Variants in CSGALNACT1 observed in about 807,000 individuals in gnomAD.
CSGALNACT1 encodes the protein chondroitin sulfate N-acetylgalactosaminyltransferase 1.
A neutral mutation model predicts 51.0 loss-of-function variants in CSGALNACT1; 52 were observed. That is an observed-to-expected ratio of 1.02 (90% confidence interval 0.82 to 1.29). The LOEUF is 1.29. Ranked by LOEUF, CSGALNACT1 falls within the 50% of genes most tolerant of loss-of-function variation. The pLI is 0.00. For synonymous variants in CSGALNACT1, 341 were observed against 254.4 expected (o/e 1.34, Z -3.24); for missense variants, 935 against 679.2 (o/e 1.38, Z -4.19).
At chr8:19,520,789 C>T (rs1001772769) in intron 3 of CSGALNACT1, among the ~76,000 whole-genome samples, 1 of 152,184 alleles carries the variant, frequency 6.6e-6, no homozygotes, top group Non-Finnish European at 1.5e-5. Flanking sequence ...TCTGATACCT[C>T]CTATGAGGTA....
intron 1 of CSGALNACT1, among the ~76,000 whole-genome samples, chr8:19,616,276 T>A (rs7828554): frequency 0.023 from 3,536 of 152,206 alleles, 142 homozygotes; most frequent in African/African-American, 0.08. Context: ...TATTTTTAAA[T>A]AAGAGAAAGC....
At chr8:19,529,562 C>T (rs915440565) in intron 3 of CSGALNACT1, among the ~76,000 whole-genome samples, 1 of 152,134 alleles carries the variant, frequency 6.6e-6, no homozygotes, top group Admixed American at 6.5e-5. Context: ...TAATAAATAT[C>T]AGGAATAGTT....
intron 1 of CSGALNACT1, among the ~76,000 whole-genome samples, chr8:19,654,385 G>A (rs541618562): frequency 1.3e-5 from 2 of 152,270 alleles, no homozygotes; most frequent in South Asian, 2.1e-4. Flanking sequence ...GTCTGAATGT[G>A]TGTGACGCAC....
rs564400645 is a variant in CSGALNACT1, at chr8:19,447,994, A to G, written c.852-8063T>C. On this transcript the variant is annotated intron_variant, in intron 5 of 9. Coordinates refer to ENST00000454498, the Ensembl canonical transcript of CSGALNACT1. ...ACGGTAGCAGCAGCAGCCTCATGCC[A>G]TTAGGGAGTGATAGCCCCTCTGGCT... Among the ~76,000 whole-genome samples, 5 of 152,362 alleles carry G rather than the reference A, an allele frequency of 3.3e-5. No homozygotes were observed. The East Asian group carries it at 7.7e-4, about 23-fold the overall frequency.
intron 1 of CSGALNACT1, among the ~76,000 whole-genome samples, chr8:19,675,640 G>T (rs938254070): frequency 6.6e-6 from 1 of 152,056 alleles, no homozygotes; most frequent in Non-Finnish European, 1.5e-5. Flanking sequence ...TTACAGGCAC[G>T]TGCCACCACA....
chr8:19,625,571 G>C (rs2054342413), intron 1 of CSGALNACT1, among the ~76,000 whole-genome samples: 1 of 152,130 alleles, frequency 6.6e-6, no homozygotes, highest in African/African-American at 2.4e-5. Context: ...CTTGCTTACT[G>C]AATTAGAATA....
At position 19,458,490 on chromosome 8, in the gene CSGALNACT1, T is replaced by A. The variant is rs780751251; in HGVS notation, c.787A>T (p.Ile263Phe). Residue 263 changes from isoleucine (I) to phenylalanine (F), a missense_variant, in exon 5 of 10, where the codon ATC becomes TTC. Ile to Phe is a conservative substitution (Grantham distance 21). Coordinates refer to ENST00000454498, the Ensembl canonical transcript of CSGALNACT1. ...TTTGCTAGAGGCACGATAACATTGA[T>A]AAGCGTGTTGGCCATGTTGAGCTTT... is the stretch of plus-strand genomic sequence containing the variant. 1.2e-6 allele frequency: 2 copies of A among 1,614,100 alleles called. No homozygotes were observed. The highest frequency in any genetic ancestry group is 3.3e-5 in the Admixed American group (2 of 60,006).
At chr8:19,530,202 C>A (rs1414277888) in intron 3 of CSGALNACT1, among the ~76,000 whole-genome samples, 1 of 151,456 alleles carries the variant, frequency 6.6e-6, no homozygotes, top group East Asian at 1.9e-4. Flanking sequence ...GCCTGGGCAA[C>A]AGAGCGAGAC....
chr8:19,589,621 G>A (rs998015994), intron 3 of CSGALNACT1, among the ~76,000 whole-genome samples: 11 of 152,072 alleles, frequency 7.2e-5, no homozygotes, highest in Non-Finnish European at 1.2e-4. Flanking sequence ...GTTAGCCACC[G>A]TGCACAGTCT....
intron 3 of CSGALNACT1, among the ~76,000 whole-genome samples, chr8:19,584,415 G>C (rs1428665835): frequency 6.6e-6 from 1 of 152,140 alleles, no homozygotes; most frequent in African/African-American, 2.4e-5. Context: ...GACACAGTAA[G>C]ACTTAGCTTG....
intron 3 of CSGALNACT1, among the ~76,000 whole-genome samples, chr8:19,570,216 A>G (rs1316856190): frequency 6.6e-6 from 1 of 152,150 alleles, no homozygotes; most frequent in East Asian, 1.9e-4. Context: ...TGTAAGTTAT[A>G]CCTCATTAGA....
intron 4 of CSGALNACT1, among the ~76,000 whole-genome samples, chr8:19,467,635 T>A (rs1417868578): frequency 6.6e-6 from 1 of 152,142 alleles, no homozygotes; most frequent in Non-Finnish European, 1.5e-5. Flanking sequence ...AGTTTTTTTT[T>A]TTATTAATTT....
intron 9 of CSGALNACT1, among the ~76,000 whole-genome samples, chr8:19,407,733 G>T (rs552090708): frequency 1.5e-5 from 2 of 135,816 alleles, no homozygotes; most frequent in African/African-American, 5.3e-5. Flanking sequence ...GCATATTTGT[G>T]TATGAATTGT....
At chr8:19,571,910 G>C (rs981120768) in intron 3 of CSGALNACT1, among the ~76,000 whole-genome samples, 6 of 152,212 alleles carry the variant, frequency 3.9e-5, no homozygotes, top group Non-Finnish European at 8.8e-5. Context: ...ACAAAGATAA[G>C]ATGGATTTAT....
intron 3 of CSGALNACT1, among the ~76,000 whole-genome samples, chr8:19,532,684 G>A (rs902230547): frequency 1.3e-5 from 2 of 152,152 alleles, no homozygotes; most frequent in African/African-American, 4.8e-5. Flanking sequence ...AGTCATACGA[G>A]TACTCAGATG....
chr8:19,516,809 G>T (rs1406315484), intron 3 of CSGALNACT1, among the ~76,000 whole-genome samples: 5 of 152,210 alleles, frequency 3.3e-5, no homozygotes. Flanking sequence ...GCCCCCAGGA[G>T]GGGGTGAGAT....
intron 1 of CSGALNACT1, among the ~76,000 whole-genome samples, chr8:19,728,080 A>C (rs977620348): frequency 1.3e-5 from 2 of 152,148 alleles, no homozygotes; most frequent in Admixed American, 1.3e-4. Flanking sequence ...CCAGGCTGCC[A>C]GGGCTTAAAT....
intron 1 of CSGALNACT1, among the ~76,000 whole-genome samples, chr8:19,694,392 T>A (rs2061483944): frequency 6.6e-6 from 1 of 152,218 alleles, no homozygotes. Context: ...CCAAAATACA[T>A]TGTTGAATTA....
intron 3 of CSGALNACT1, among the ~76,000 whole-genome samples, chr8:19,543,392 G>C (rs551037205): frequency 5.9e-5 from 9 of 152,274 alleles, no homozygotes; most frequent in African/African-American, 1.7e-4. Context: ...TCTGGGAACG[G>C]GGCTTGTAAA....
Sources: gnomAD v4.1 joint callset for allele counts (sites outside exome capture counted in the v4.1 genomes callset) on GRCh38, gnomAD v4.1.1 for gene constraint, MANE v1.5 for transcripts, NCBI Gene and HGNC (gene_info 2026-07-23, HGNC 2026-07-21) for gene names.